Variants in MOB3B observed in about 807,000 individuals in gnomAD.
MOB3B encodes MOB kinase activator 3B, also known as MOB kinase activator-like 2B.
Under a neutral mutation model 18.7 loss-of-function variants are expected in MOB3B, and 7 were observed. That is an observed-to-expected ratio of 0.37 (90% CI 0.21 to 0.70). The LOEUF is 0.70. Ranked by LOEUF, MOB3B falls within the 30% of genes least tolerant of loss-of-function variation. The pLI is 0.52. For missense variants in MOB3B, 253 were observed against 281.3 expected (o/e 0.90, Z 0.72); for synonymous variants, 111 against 99.9 (o/e 1.11, Z -0.66).
intron 1 of MOB3B, among the ~76,000 whole-genome samples, chr9:27,518,946 A>G (rs1169709082): frequency 6.6e-6 from 1 of 152,224 alleles, no homozygotes; most frequent in Non-Finnish European, 1.5e-5. Context: ...AGGGGAAGAC[A>G]TATGAATCAA....
chr9:27,343,137 G>T (rs7019577), intron 3 of MOB3B, among the ~76,000 whole-genome samples: 74,568 of 150,274 alleles, frequency 0.5, 19,051 homozygotes, highest in African/African-American at 0.6. Context: ...CTAAGAAAAA[G>T]TCTTCTGCCT....
At chr9:27,370,212 A>C (rs987928308) in intron 2 of MOB3B, among the ~76,000 whole-genome samples, 1 of 152,144 alleles carries the variant, frequency 6.6e-6, no homozygotes, top group Non-Finnish European at 1.5e-5. Context: ...TAGTGCCTTT[A>C]AAAAGGAGGG....
At chr9:27,438,075 C>T (rs956058148) in intron 2 of MOB3B, among the ~76,000 whole-genome samples, 3 of 152,168 alleles carry the variant, frequency 2.0e-5, no homozygotes, top group South Asian at 2.1e-4. Flanking sequence ...CATTGTGGTA[C>T]GAACCAGTTT....
chr9:27,423,965 C>A (rs551056236), intron 2 of MOB3B, among the ~76,000 whole-genome samples: 1 of 152,318 alleles, frequency 6.6e-6, no homozygotes, highest in East Asian at 1.9e-4. Context: ...AATTAAGTTA[C>A]TTTCTCCAGG....
intron 2 of MOB3B, among the ~76,000 whole-genome samples, chr9:27,408,963 G>C (rs1299718754): frequency 6.6e-6 from 1 of 152,168 alleles, no homozygotes; most frequent in Non-Finnish European, 1.5e-5. Context: ...GTCATAACAG[G>C]TATACCAACT....
At chr9:27,506,019 A>G (rs952234215) in intron 1 of MOB3B, among the ~76,000 whole-genome samples, 5 of 152,204 alleles carry the variant, frequency 3.3e-5, no homozygotes, top group Non-Finnish European at 5.9e-5. Context: ...TGCCACATGG[A>G]AACTAAAACT....
intron 1 of MOB3B, among the ~76,000 whole-genome samples, chr9:27,523,379 C>G (rs1272521388): frequency 1.3e-5 from 2 of 151,574 alleles, no homozygotes; most frequent in Admixed American, 6.6e-5. Flanking sequence ...AAACAAAAGC[C>G]TTTACAGAAT....
chr9:27,528,091 G>A (rs1820464212), intron 1 of MOB3B, among the ~76,000 whole-genome samples: 2 of 152,178 alleles, frequency 1.3e-5, no homozygotes, highest in Admixed American at 1.3e-4. Flanking sequence ...TAAACTTGGA[G>A]CGGTACTCAA....
intron 1 of MOB3B, among the ~76,000 whole-genome samples, chr9:27,462,582 CTCT>C (rs374829093): frequency 6.4e-4 from 97 of 152,280 alleles, no homozygotes; most frequent in Middle Eastern, 3.4e-3. Context: ...TATGATATCA[CTCT>C]GAACCTTCAG....
chr9:27,438,249 A>T (rs940403709), intron 2 of MOB3B, among the ~76,000 whole-genome samples: 2 of 152,204 alleles, frequency 1.3e-5, no homozygotes, highest in African/African-American at 2.4e-5. Flanking sequence ...CTAACAGTAA[A>T]TTCAGGGCAC....
chr9:27,392,977 CAA>C (rs1401834613), intron 2 of MOB3B, among the ~76,000 whole-genome samples: 2 of 152,202 alleles, frequency 1.3e-5, no homozygotes, highest in Non-Finnish European at 2.9e-5. Flanking sequence ...AGACTTGAGA[CAA>C]AGTGTTGCTT....
chr9:27,344,976 G>A (rs1274325206), intron 3 of MOB3B, among the ~76,000 whole-genome samples: 2 of 152,362 alleles, frequency 1.3e-5, no homozygotes, highest in South Asian at 2.1e-4. Context: ...GACACTGGTC[G>A]TGTCAAGTGA....
At chr9:27,390,173 C>T (rs1188528282) in intron 2 of MOB3B, among the ~76,000 whole-genome samples, 2 of 151,990 alleles carry the variant, frequency 1.3e-5, no homozygotes, top group African/African-American at 2.4e-5. Context: ...CGCCTACCTC[C>T]GCCTCCCAAG....
intron 2 of MOB3B, among the ~76,000 whole-genome samples, chr9:27,368,974 G>GA (rs1374013103): frequency 6.6e-6 from 1 of 152,168 alleles, no homozygotes; most frequent in African/African-American, 2.4e-5. Context: ...AGTAGATTAA[G>GA]AAAGACCCAA....
chr9:27,449,700 A>T (rs1822751201), intron 2 of MOB3B, among the ~76,000 whole-genome samples: 1 of 152,174 alleles, frequency 6.6e-6, no homozygotes, highest in Admixed American at 6.5e-5. Flanking sequence ...CTTGGCTGGG[A>T]GATGTCGCTC....
chr9:27,360,462 G>A (rs1185064527), intron 2 of MOB3B, among the ~76,000 whole-genome samples: 4 of 152,198 alleles, frequency 2.6e-5, no homozygotes, highest in African/African-American at 4.8e-5. Flanking sequence ...CCAAGATTGC[G>A]CCACTGCACT....
chr9:27,388,853 A>G (rs1821685705), intron 2 of MOB3B, among the ~76,000 whole-genome samples: 1 of 152,076 alleles, frequency 6.6e-6, no homozygotes, highest in Non-Finnish European at 1.5e-5. Flanking sequence ...TACCCATTCC[A>G]TAATCCACAG....
chr9:27,472,386 G>A (rs574815862), intron 1 of MOB3B, among the ~76,000 whole-genome samples: 3 of 152,014 alleles, frequency 2.0e-5, no homozygotes, highest in Non-Finnish European at 2.9e-5. Context: ...TGCCACAGGC[G>A]CAGGGCTGAG....
At chr9:27,472,946 T>C (rs959110095) in intron 1 of MOB3B, among the ~76,000 whole-genome samples, 2 of 152,240 alleles carry the variant, frequency 1.3e-5, no homozygotes, top group African/African-American at 4.8e-5. Context: ...CTTTGGTGCA[T>C]CTCAAATGCA....
Sources: gnomAD v4.1 joint callset for allele counts (sites outside exome capture counted in the v4.1 genomes callset) on GRCh38, gnomAD v4.1.1 for gene constraint, MANE v1.5 for transcripts, NCBI Gene and HGNC (gene_info 2026-07-23, HGNC 2026-07-21) for gene names.